Variants in TGFB2 observed in about 807,000 individuals in gnomAD.
TGFB2 encodes the protein transforming growth factor beta-2 proprotein.
A neutral mutation model predicts 42.7 loss-of-function variants in TGFB2; 13 were observed. That is an observed-to-expected ratio of 0.30 (90% CI 0.20 to 0.48). The LOEUF (loss-of-function observed/expected upper bound fraction) is 0.48. Among genes scored for constraint, TGFB2 ranks in the 20% least tolerant of loss-of-function variants. The probability of loss-of-function intolerance (pLI) is 0.99; values close to 1 mark genes in which losing one functional copy is unlikely to be tolerated. For missense variants in TGFB2, 390 were observed against 517.5 expected (o/e 0.75, Z 2.39); for synonymous variants, 193 against 193.6 (o/e 1.00, Z 0.03).
chr1:218,386,183 A>G (rs907978078), intron 1 of TGFB2, among the ~76,000 whole-genome samples: 1 of 151,768 alleles, frequency 6.6e-6, no homozygotes, highest in East Asian at 1.9e-4. Context: ...AAGAGTGTGG[A>G]CTTGGGATCA....
chr1:218,436,241 C>A (rs1659969076), intron 5 of TGFB2, 94 bp downstream of exon 5: 4 of 1,341,046 alleles, frequency 3.0e-6, no homozygotes, highest in Non-Finnish European at 4.1e-6. Flanking sequence ...CCAAGTGGAA[C>A]TCACTGCTAA....
At chr1:218,361,512 C>T (rs909195028) in intron 1 of TGFB2, among the ~76,000 whole-genome samples, 7 of 152,112 alleles carry the variant, frequency 4.6e-5, no homozygotes, top group African/African-American at 7.2e-5. Flanking sequence ...TGCACCACGG[C>T]GTACACTGGC....
chr1:218,407,138 C>T (rs950834108), intron 2 of TGFB2, among the ~76,000 whole-genome samples: 1 of 152,136 alleles, frequency 6.6e-6, no homozygotes, highest in Non-Finnish European at 1.5e-5. Flanking sequence ...TGCTCTGTCA[C>T]CCAGGCTAGA....
intron 2 of TGFB2, among the ~76,000 whole-genome samples, chr1:218,433,093 C>T (rs575720238): frequency 1.6e-4 from 25 of 152,144 alleles, no homozygotes; most frequent in African/African-American, 5.8e-4. Context: ...TTTTGAGAGG[C>T]AATCCCACTC....
At chr1:218,427,698 G>A (rs1214520605) in intron 2 of TGFB2, among the ~76,000 whole-genome samples, 3 of 152,288 alleles carry the variant, frequency 2.0e-5, no homozygotes, top group East Asian at 1.9e-4. Flanking sequence ...ATTCCATGGT[G>A]TATATGTGCC....
At chr1:218,429,869 A>T (rs1209051522) in intron 2 of TGFB2, among the ~76,000 whole-genome samples, 1 of 152,176 alleles carries the variant, frequency 6.6e-6, no homozygotes, top group Non-Finnish European at 1.5e-5. Flanking sequence ...AATGTATATC[A>T]TTTCATGCTT....
At chr1:218,423,349 G>A (rs906061665) in intron 2 of TGFB2, among the ~76,000 whole-genome samples, 16 of 152,120 alleles carry the variant, frequency 1.1e-4, no homozygotes, top group Non-Finnish European at 2.1e-4. Context: ...ACACATCCAG[G>A]ATTACCCTTG....
intron 1 of TGFB2, among the ~76,000 whole-genome samples, chr1:218,354,059 T>C (rs1656954288): frequency 6.6e-6 from 1 of 152,218 alleles, no homozygotes; most frequent in Non-Finnish European, 1.5e-5. Context: ...TAGTAAGATC[T>C]AACTCTGTTC....
Position 218,435,954 on chromosome 1 carries a change from A to C in TGFB2, c.755-16A>C, listed in dbSNP as rs759242510. The C allele has an allele frequency of 6.3e-7, 1 of 1,590,290 alleles. No individual in the cohort carries two copies. Among genetic ancestry groups the C allele is most frequent in the Non-Finnish European group, 8.5e-7 (1 of 1,171,186 alleles). Reference sequence around the variant, plus strand: ...GGTGAAGCTAAATGTTTATTACCCAAATGCATTTTTTCAAGGTATTGATGG... The same window carrying C: ...GGTGAAGCTAAATGTTTATTACCCACATGCATTTTTTCAAGGTATTGATGG... On this transcript the variant is annotated splice_polypyrimidine_tract_variant and intron_variant, in intron 4 of 6. Coordinates refer to ENST00000366930, the MANE Select transcript of TGFB2 (RefSeq NM_003238.6).
intron 4 of TGFB2, among the ~76,000 whole-genome samples, chr1:218,434,694 AT>A (rs1241203383): frequency 2.0e-5 from 3 of 152,256 alleles, no homozygotes; most frequent in Non-Finnish European, 2.9e-5. Context: ...TGATTAACTC[AT>A]TAACCCTCCA....
At chr1:218,433,973 C>T (rs1267808760) in intron 2 of TGFB2, 109 bp from the exon 3 acceptor site, 2 of 1,401,084 alleles carry the variant, frequency 1.4e-6, no homozygotes, top group East Asian at 4.6e-5. Flanking sequence ...GGCTATACTA[C>T]AGTAGAGCTA....
intron 1 of TGFB2, among the ~76,000 whole-genome samples, chr1:218,383,567 G>A (rs909086192): frequency 2.6e-5 from 4 of 152,166 alleles, no homozygotes; most frequent in African/African-American, 7.2e-5. Context: ...GTCCTCAGGT[G>A]TTCATTGTCA....
chr1:218,391,232 G>T (rs1429793928), intron 1 of TGFB2, among the ~76,000 whole-genome samples: 5 of 152,148 alleles, frequency 3.3e-5, no homozygotes, highest in Non-Finnish European at 5.9e-5. Flanking sequence ...TTGATGATTT[G>T]CAGTAGGACA....
chr1:218,379,795 T>C lies in TGFB2; in HGVS notation c.347-25374T>C, dbSNP rs1657898074. Among the ~76,000 whole-genome samples the C allele has an allele frequency of 1.3e-5, 2 of 152,218 alleles. 1 individual carries two copies. The highest frequency in any genetic ancestry group is 1.3e-4 in the Admixed American group (2 of 15,284). ...TCTTATTTTACCATTTTCTTTCACA[T>C]GCTTTTAGTTAATGGAGGAAGCTGG... is the stretch of plus-strand genomic sequence containing the variant. On this transcript the variant is annotated intron_variant, in intron 1 of 6. Coordinates refer to ENST00000366930, the MANE Select transcript of TGFB2 (RefSeq NM_003238.6).
At chr1:218,396,058 G>T (rs1396953378) in intron 1 of TGFB2, among the ~76,000 whole-genome samples, 1 of 152,166 alleles carries the variant, frequency 6.6e-6, no homozygotes, top group East Asian at 1.9e-4. Flanking sequence ...GAGTAGGAAA[G>T]GTAGGATGGA....
At chr1:218,354,623 T>C (rs958011850) in intron 1 of TGFB2, among the ~76,000 whole-genome samples, 4 of 152,212 alleles carry the variant, frequency 2.6e-5, no homozygotes, top group Non-Finnish European at 4.4e-5. Context: ...TGATGTGTTA[T>C]GGAAATTAGA....
chr1:218,431,451 T>A (rs901585045), intron 2 of TGFB2, among the ~76,000 whole-genome samples: 11 of 152,354 alleles, frequency 7.2e-5, no homozygotes, highest in Admixed American at 6.5e-5. Context: ...CCATAATTTT[T>A]AAAAATTCTG....
chr1:218,417,952 A>G (rs1659334409), intron 2 of TGFB2, among the ~76,000 whole-genome samples: 1 of 152,272 alleles, frequency 6.6e-6, no homozygotes, highest in South Asian at 2.1e-4. Flanking sequence ...CTGGATGCCC[A>G]GGCAGAAGTT....
chr1:218,433,154 C>T (rs145069970), intron 2 of TGFB2, among the ~76,000 whole-genome samples: 5 of 152,204 alleles, frequency 3.3e-5, no homozygotes, highest in African/African-American at 7.2e-5. Flanking sequence ...CTGCAACCTC[C>T]GTCTCCCGGG....
Sources: gnomAD v4.1 joint callset for allele counts (sites outside exome capture counted in the v4.1 genomes callset) on GRCh38, gnomAD v4.1.1 for gene constraint, MANE v1.5 for transcripts, NCBI Gene and HGNC (gene_info 2026-07-23, HGNC 2026-07-21) for gene names.